ANKS1B: variants seen among roughly 807,000 people sequenced by gnomAD.
ANKS1B encodes ankyrin repeat and sterile alpha motif domain-containing protein 1B.
In ANKS1B, 36 loss-of-function variants were observed where a neutral mutation model predicts 148.3. That is an observed-to-expected ratio of 0.24 (90% confidence interval 0.19 to 0.32). ANKS1B has a LOEUF of 0.32. ANKS1B is among the 10% of genes least tolerant of loss of function. The probability of loss-of-function intolerance (pLI) is 1.00; values close to 1 mark genes in which losing one functional copy is unlikely to be tolerated. For missense variants in ANKS1B, 1,157 were observed against 1,542.6 expected, an observed-to-expected ratio of 0.75 and a Z score of 4.19; for synonymous variants, 542 against 560.8, an observed-to-expected ratio of 0.97 and a Z score of 0.47.
chr12:98,938,845 G>T (rs1318692458), intron 17 of ANKS1B, among the ~76,000 whole-genome samples: 1 of 152,204 alleles, frequency 6.6e-6, no homozygotes, highest in East Asian at 1.9e-4. Context: ...ATCAACTATG[G>T]GGGTTGGGCA....
chr12:99,717,899 CTTTTT>C (rs943618905), intron 8 of ANKS1B, among the ~76,000 whole-genome samples: 14 of 111,088 alleles, frequency 1.3e-4, no homozygotes, highest in East Asian at 9.3e-4. Flanking sequence ...AGACAATACT[CTTTTT>C]TTTTTTTTTT....
chr12:98,978,494 G>A (rs1215026952), intron 17 of ANKS1B, among the ~76,000 whole-genome samples: 1 of 152,076 alleles, frequency 6.6e-6, no homozygotes, highest in African/African-American at 2.4e-5. Flanking sequence ...GTGTGTGTGC[G>A]TGTGTGTGTT....
intron 23 of ANKS1B, 23 bp from the exon 24 acceptor site, chr12:98,781,226 G>A: frequency 1.3e-6 from 2 of 1,486,178 alleles, no homozygotes; most frequent in East Asian, 2.4e-5. Flanking sequence ...TTAGAAAGCT[G>A]TTAGAGCAGT....
intron 20 of ANKS1B, among the ~76,000 whole-genome samples, chr12:98,806,090 T>C (rs2099048971): frequency 6.6e-6 from 1 of 152,226 alleles, no homozygotes; most frequent in Admixed American, 6.5e-5. Flanking sequence ...CAGGCTGGTC[T>C]CGAACTCCTG....
At chr12:99,519,078 A>G (rs2096850335) in intron 9 of ANKS1B, among the ~76,000 whole-genome samples, 1 of 152,100 alleles carries the variant, frequency 6.6e-6, no homozygotes, top group Non-Finnish European at 1.5e-5. Context: ...TTTTGGCCAG[A>G]GAAAATGCTT....
intron 17 of ANKS1B, among the ~76,000 whole-genome samples, chr12:98,871,685 A>G (rs1194007053): frequency 1.3e-5 from 2 of 152,192 alleles, no homozygotes; most frequent in East Asian, 3.8e-4. Flanking sequence ...TACACATTTG[A>G]GGAGCTGTTT....
chr12:99,455,994 A>G (rs1329524159), intron 10 of ANKS1B, among the ~76,000 whole-genome samples: 1 of 151,928 alleles, frequency 6.6e-6, no homozygotes. Context: ...CAAAAATACA[A>G]CCAAGGACCC....
At chr12:99,737,786 G>A (rs149310990) in intron 8 of ANKS1B, among the ~76,000 whole-genome samples, 89 of 151,896 alleles carry the variant, frequency 5.9e-4, no homozygotes, top group Non-Finnish European at 1.1e-3. Flanking sequence ...TTAGATCCTC[G>A]GGTCTTTGTT....
At chr12:98,852,297 G>A (rs1447970165) in intron 17 of ANKS1B, among the ~76,000 whole-genome samples, 2 of 152,142 alleles carry the variant, frequency 1.3e-5, no homozygotes, top group Admixed American at 6.5e-5. Flanking sequence ...AATGGGAGGA[G>A]GGAGCAGATC....
At chr12:99,281,846 C>T (rs1310910815) in intron 12 of ANKS1B, among the ~76,000 whole-genome samples, 3 of 152,092 alleles carry the variant, frequency 2.0e-5, no homozygotes, top group Non-Finnish European at 4.4e-5. Context: ...TGAGAACCTA[C>T]TAAATTGAAC....
chr12:99,915,364 T>C, intron 1 of ANKS1B, among the ~76,000 whole-genome samples: 1 of 151,756 alleles, frequency 6.6e-6, no homozygotes, highest in Non-Finnish European at 1.5e-5. Context: ...AGAGCACACA[T>C]AAGGACGTGG....
chr12:98,801,939 A>C lies in ANKS1B; in HGVS notation c.3142-814T>G, dbSNP rs1010616468. Among the ~76,000 whole-genome samples, 21 of 152,224 alleles carry C rather than the reference A, an allele frequency of 1.4e-4. No homozygotes were observed. Among genetic ancestry groups the C allele is most frequent in the African/African-American group, 4.8e-4 (20 of 41,468 alleles). ...AGCCTCAACCTGTTTCATCAGTATA[A>C]TAGCTTAATGTGAGCATCTATAAAG... On this transcript the variant is annotated intron_variant, in intron 20 of 26. Coordinates refer to ENST00000683438, the MANE Select transcript of ANKS1B (RefSeq NM_001352186.2). The surrounding 1 kb of genome is among the most constrained non-coding windows in gnomAD (Gnocchi z 5.2).
intron 17 of ANKS1B, among the ~76,000 whole-genome samples, chr12:98,875,025 G>A (rs2099684464): frequency 6.6e-6 from 1 of 152,324 alleles, no homozygotes; most frequent in South Asian, 2.1e-4. Flanking sequence ...AAACAAAAGT[G>A]TAACTTCCTA....
intron 14 of ANKS1B, among the ~76,000 whole-genome samples, chr12:99,204,767 C>A (rs2082447938): frequency 6.6e-6 from 1 of 152,128 alleles, no homozygotes; most frequent in Non-Finnish European, 1.5e-5. Flanking sequence ...GTTGCTAAGG[C>A]AAAGAAACTC....
intron 9 of ANKS1B, among the ~76,000 whole-genome samples, chr12:99,551,529 AGAGGGGAGGGGAGGGGAGGGGAGGG>A (rs58248975): frequency 4.5e-5 from 3 of 66,390 alleles, no homozygotes; most frequent in East Asian, 5.8e-4. Flanking sequence ...AAAGGAGAGG[AGAGGGGAGGGGAGGGGAGGGGAGGG>A]GAGGGGAGGG....
intron 6 of ANKS1B, among the ~76,000 whole-genome samples, 184 bp downstream of exon 6, chr12:99,779,687 G>A (rs1349195963): frequency 1.3e-5 from 2 of 151,930 alleles, no homozygotes; most frequent in African/African-American, 4.8e-5. Context: ...TTACTGAGTA[G>A]TTGAAAAACA....
At chr12:99,179,401 C>T (rs925326299) in intron 14 of ANKS1B, among the ~76,000 whole-genome samples, 2 of 134,968 alleles carry the variant, frequency 1.5e-5, no homozygotes, top group African/African-American at 2.9e-5. Context: ...TGCACTCCGG[C>T]CTGGGTGACA....
rs115389510 is a variant in ANKS1B, at chr12:99,038,457, C to T, written c.2778+14700G>A. 2.6e-3 allele frequency among the ~76,000 whole-genome samples: 400 copies of T among 152,286 alleles called. 1 individual carries two copies. The highest frequency in any genetic ancestry group is 9.0e-3 in the African/African-American group (373 of 41,558). ...TACAAGGCACCACCATCTCTTGCCCCGACTACTAGGTGAATGCCTCAGTAG... is the reference window on the plus strand; with the variant it reads ...TACAAGGCACCACCATCTCTTGCCCTGACTACTAGGTGAATGCCTCAGTAG... On this transcript the variant is annotated intron_variant, in intron 17 of 26. Transcript: ENST00000683438.
chr12:99,184,228 T>C (rs1379086978), intron 14 of ANKS1B, among the ~76,000 whole-genome samples: 3 of 152,232 alleles, frequency 2.0e-5, no homozygotes, highest in Non-Finnish European at 2.9e-5. Context: ...AAAGGTACTT[T>C]CTTTGGCAAA....
Sources: gnomAD v4.1 joint callset for allele counts (sites outside exome capture counted in the v4.1 genomes callset) on GRCh38, gnomAD v4.1.1 for gene constraint, Gnocchi (gnomAD v3.1) non-coding constraint, MANE v1.5 for transcripts, NCBI Gene and HGNC (gene_info 2026-07-23, HGNC 2026-07-21) for gene names.